Variants in ARMH3 observed in about 807,000 individuals in gnomAD.
ARMH3 encodes armadillo like helical domain containing 3, also known as armadillo-like helical domain-containing protein 3.
ARMH3 carries 60 observed loss-of-function variants against 99.1 expected under a neutral mutation model. The ratio of observed to expected loss-of-function variants is 0.61; its 90% CI spans 0.49 to 0.75. ARMH3 has a LOEUF of 0.75. ARMH3 is among the 30% of genes least tolerant of loss of function. The pLI is 0.00. For synonymous variants in ARMH3, 285 were observed against 292.8 expected (o/e 0.97, Z 0.27); for missense variants, 679 against 843.1 (o/e 0.81, Z 2.41).
chr10:101,871,245 TTAAAAG>T (rs2067124955), intron 24 of ARMH3, among the ~76,000 whole-genome samples: 3 of 152,206 alleles, frequency 2.0e-5, no homozygotes, highest in Admixed American at 2.0e-4. Context: ...AACAGTATTA[TTAAAAG>T]TATCAATTCT....
intron 24 of ARMH3, among the ~76,000 whole-genome samples, chr10:101,882,197 A>C (rs766190593): frequency 9.2e-5 from 14 of 152,224 alleles, no homozygotes; most frequent in Non-Finnish European, 2.1e-4. Flanking sequence ...GGATATTTCA[A>C]AGGCATAAAA....
chr10:101,880,095 C>T (rs779766842), intron 24 of ARMH3, among the ~76,000 whole-genome samples: 3 of 152,186 alleles, frequency 2.0e-5, no homozygotes, highest in Non-Finnish European at 2.9e-5. Context: ...TGCTCACACT[C>T]GAGAATTCGC....
chr10:101,956,162 A>G (rs1197994302), intron 22 of ARMH3, among the ~76,000 whole-genome samples: 4 of 152,206 alleles, frequency 2.6e-5, no homozygotes, highest in African/African-American at 7.2e-5. Flanking sequence ...ATTTTTATCT[A>G]ATGCCCACTT....
intron 20 of ARMH3, among the ~76,000 whole-genome samples, chr10:101,968,030 T>C (rs1220931722): frequency 6.6e-6 from 1 of 151,816 alleles, no homozygotes; most frequent in East Asian, 1.9e-4. Flanking sequence ...TTGCAGTCAA[T>C]GTGTATCTGC....
At chr10:101,978,962 T>C (rs1321528209) in intron 19 of ARMH3, among the ~76,000 whole-genome samples, 1 of 150,896 alleles carries the variant, frequency 6.6e-6, no homozygotes, top group African/African-American at 2.4e-5. Context: ...TAAATTAAAT[T>C]AATATAAAAT....
At chr10:102,004,835 C>T (rs2066445158) in intron 14 of ARMH3, among the ~76,000 whole-genome samples, 1 of 151,896 alleles carries the variant, frequency 6.6e-6, no homozygotes, top group African/African-American at 2.4e-5. Flanking sequence ...TTTGGGAGCC[C>T]GAGGCAGGCG....
chr10:102,037,757 T>C (rs1001170652), intron 2 of ARMH3, among the ~76,000 whole-genome samples: 12 of 151,858 alleles, frequency 7.9e-5, no homozygotes, highest in African/African-American at 2.9e-4. Flanking sequence ...CTACACCCAC[T>C]TAATTTTGTT....
chr10:101,919,687 C>T (rs74533578), intron 23 of ARMH3, among the ~76,000 whole-genome samples: 248 of 152,216 alleles, frequency 1.6e-3, no homozygotes, highest in African/African-American at 5.5e-3. Flanking sequence ...TAAACTGTAC[C>T]GGGAGAGTTG....
intron 1 of ARMH3, among the ~76,000 whole-genome samples, chr10:102,047,638 C>T (rs2067588830): frequency 6.6e-6 from 1 of 151,970 alleles, no homozygotes; most frequent in Non-Finnish European, 1.5e-5. Flanking sequence ...AGGCACACAC[C>T]ACCACACCTG....
At chr10:101,942,204 T>C (rs902831236) in intron 22 of ARMH3, among the ~76,000 whole-genome samples, 2 of 152,104 alleles carry the variant, frequency 1.3e-5, no homozygotes, top group Non-Finnish European at 2.9e-5. Context: ...TAAATTATAG[T>C]ACACAAAAAT....
At chr10:102,043,950 T>C (rs372383216) in intron 1 of ARMH3, among the ~76,000 whole-genome samples, 10 of 152,242 alleles carry the variant, frequency 6.6e-5, no homozygotes, top group Admixed American at 5.9e-4. Flanking sequence ...AGAGTCTCAC[T>C]CTGTCACCCA....
At chr10:101,915,315 C>CTGA (rs1843031871) in intron 23 of ARMH3, among the ~76,000 whole-genome samples, 1 of 152,140 alleles carries the variant, frequency 6.6e-6, no homozygotes, top group South Asian at 2.1e-4. Context: ...CAGCAAGTCA[C>CTGA]TTAGGGAATC....
At chr10:102,030,284 GTCA>G (rs981193829) in intron 4 of ARMH3, among the ~76,000 whole-genome samples, 42 of 152,136 alleles carry the variant, frequency 2.8e-4, no homozygotes, top group African/African-American at 9.4e-4. Flanking sequence ...TGAGACTGCT[GTCA>G]TCCTCATTTT....
intron 19 of ARMH3, among the ~76,000 whole-genome samples, chr10:101,977,605 G>A (rs751385393): frequency 3.9e-5 from 6 of 152,174 alleles, no homozygotes; most frequent in South Asian, 2.1e-4. Context: ...ATGTTGAAAC[G>A]TAATTGCAAA....
intron 20 of ARMH3, among the ~76,000 whole-genome samples, chr10:101,969,986 AT>A (rs1328113412): frequency 1.3e-5 from 2 of 152,236 alleles, no homozygotes; most frequent in Non-Finnish European, 2.9e-5. Context: ...TGAATATAAA[AT>A]GTCAGTATAA....
chr10:101,899,867 T>TA (rs1372692617), intron 23 of ARMH3, among the ~76,000 whole-genome samples: 1 of 152,098 alleles, frequency 6.6e-6, no homozygotes. Flanking sequence ...CCTTAGTTAG[T>TA]ATAAAAGGCA....
At chr10:102,006,467 G>T in intron 14 of ARMH3, 73 bp downstream of exon 14, 3 of 1,510,258 alleles carry the variant, frequency 2.0e-6, no homozygotes, top group South Asian at 2.3e-5. Flanking sequence ...GTTCTTTGTT[G>T]AACACAGCTA....
intron 22 of ARMH3, among the ~76,000 whole-genome samples, chr10:101,955,849 A>T (rs931170241): frequency 6.6e-6 from 1 of 152,246 alleles, no homozygotes; most frequent in African/African-American, 2.4e-5. Context: ...AGTTTCACAT[A>T]CGTACACATA....
intron 23 of ARMH3, among the ~76,000 whole-genome samples, chr10:101,937,230 T>C (rs1466735126): frequency 1.3e-5 from 2 of 152,114 alleles, no homozygotes; most frequent in Non-Finnish European, 2.9e-5. Flanking sequence ...AGAAGACCTA[T>C]GATTAGGCTG....
Sources: gnomAD v4.1 joint callset for allele counts (sites outside exome capture counted in the v4.1 genomes callset) on GRCh38, gnomAD v4.1.1 for gene constraint, MANE v1.5 for transcripts, NCBI Gene and HGNC (gene_info 2026-07-23, HGNC 2026-07-21) for gene names.